The following MTCH2 variants were observed in gnomAD, a reference collection of about 807,000 sequenced individuals.
MTCH2 encodes the protein mitochondrial carrier homolog 2.
MTCH2 carries 25 observed loss-of-function variants against 50.6 expected under a neutral mutation model. The observed-to-expected ratio is 0.49, with a 90% CI of 0.36 to 0.69. MTCH2 has a LOEUF of 0.69. Ranked by LOEUF, MTCH2 falls within the 30% of genes least tolerant of loss-of-function variation. The pLI, the probability that MTCH2 is intolerant of heterozygous loss-of-function variation, is 0.00. For synonymous variants in MTCH2, 106 were observed against 132.0 expected (o/e 0.80, Z 1.35); for missense variants, 273 against 384.4 (o/e 0.71, Z 2.42).
At chr11:47,632,731 C>T (rs1017514671) in intron 5 of MTCH2, among the ~76,000 whole-genome samples, 3 of 151,748 alleles carry the variant, frequency 2.0e-5, no homozygotes, top group Non-Finnish European at 2.9e-5. Flanking sequence ...CAGAGTCTTG[C>T]TCTGTTGCCC....
At chr11:47,606,878 G>A in the MTCH2 span, among the ~76,000 whole-genome samples, 1 of 152,198 alleles carries the variant, frequency 6.6e-6, no homozygotes, top group Non-Finnish European at 1.5e-5. Context: ...GCCACTCAGC[G>A]ACTAGCTGGG....
At chr11:47,639,410 C>T (rs1306108040) in intron 1 of MTCH2, among the ~76,000 whole-genome samples, 1 of 152,216 alleles carries the variant, frequency 6.6e-6, no homozygotes, top group Non-Finnish European at 1.5e-5. Flanking sequence ...TGTATTTGAA[C>T]AAAACTAGAA....
chr11:47,610,916 T>C, the MTCH2 span, among the ~76,000 whole-genome samples: 1 of 152,188 alleles, frequency 6.6e-6, no homozygotes, highest in Non-Finnish European at 1.5e-5. Context: ...CCCAAATGGA[T>C]GTAAGCTTTC....
downstream of MTCH2, among the ~76,000 whole-genome samples, chr11:47,615,561 G>A (rs989639129): frequency 6.6e-6 from 1 of 151,938 alleles, no homozygotes; most frequent in African/African-American, 2.4e-5. Flanking sequence ...TTATAGTTAA[G>A]TCAAGGTATG....
chr11:47,642,231 G>A, intron 1 of MTCH2, 148 bp downstream of exon 1: 1 of 668,532 alleles, frequency 1.5e-6, no homozygotes, highest in Admixed American at 3.6e-5. Flanking sequence ...TGAGGAAGCT[G>A]TCCCTGCGGG....
chr11:47,628,738 C>G (rs2097300338), intron 9 of MTCH2, among the ~76,000 whole-genome samples: 1 of 152,118 alleles, frequency 6.6e-6, no homozygotes, highest in African/African-American at 2.4e-5. Context: ...CCACGCCCAG[C>G]TAATTTTTTC....
chr11:47,633,524 ATATTTTT>A (rs1445483593), intron 5 of MTCH2, among the ~76,000 whole-genome samples: 2 of 55,308 alleles, frequency 3.6e-5, no homozygotes, highest in African/African-American at 9.1e-5. Context: ...ATATATATAT[ATATTTTT>A]TTTTTTTTTT....
Position 47,617,698 on chromosome 11 carries a change from A to G in MTCH2, c.*1135T>C, listed in dbSNP as rs1041051218. The G allele has an allele frequency of 5.2e-5, 8 of 152,534 alleles. No individual in the cohort carries two copies. The highest frequency in any genetic ancestry group is 1.9e-4 in the African/African-American group (8 of 41,452). 9.4% of individuals were successfully genotyped at this position (152,534 alleles called of 1,614,324 possible). ...AACCTGCTTTTTAGAAGGCCTGAGT[A>G]AACAGAAGCTTTATGCTTGAGTTGA... On this transcript the variant is annotated 3_prime_UTR_variant, in exon 13 of 13. Coordinates refer to ENST00000302503, the MANE Select transcript of MTCH2 (RefSeq NM_014342.4).
intron 5 of MTCH2, among the ~76,000 whole-genome samples, chr11:47,633,522 A>ATT (rs2097305359): frequency 1.1e-4 from 3 of 26,520 alleles, no homozygotes; most frequent in African/African-American, 2.5e-4. Flanking sequence ...ATATATATAT[A>ATT]TATATTTTTT....
Position 47,618,877 on chromosome 11 carries a change from G to T in MTCH2, c.868C>A (p.Pro290Thr), listed in dbSNP as rs1064608. The stretch of plus-strand genomic sequence containing the variant: ...TCACAACAATAAGTCTTCCCAAAGG[G>T]GACCTTCCGGAAAAATAAGCTATTT... ...RGNSLFFRKV[P>T]FGKTYCCDLK... is the part of the protein sequence containing the mutation. Residue 290 changes from proline (P) to threonine (T), a missense_variant, in exon 13 of 13, where the codon CCC (proline) becomes ACC (threonine). Transcript: ENST00000302503. 5.6e-6 allele frequency: 8 copies of T among 1,434,666 alleles called. No individual in the cohort carries two copies. Among genetic ancestry groups the T allele is most frequent in the South Asian group, 1.4e-5 (1 of 69,480 alleles). 88.9% of individuals were successfully genotyped at this position (1,434,666 alleles called of 1,614,324 possible). A position where few individuals can be genotyped will look rare whatever the true frequency, so the allele number is the denominator to read the frequency against.
At chr11:47,619,455 A>T (rs1020808590) in intron 12 of MTCH2, among the ~76,000 whole-genome samples, 1 of 152,010 alleles carries the variant, frequency 6.6e-6, no homozygotes, top group African/African-American at 2.4e-5. Context: ...GCTGGTCTCA[A>T]ACTCCTGACC....
intron 5 of MTCH2, among the ~76,000 whole-genome samples, chr11:47,634,310 G>C (rs1349457859): frequency 6.6e-6 from 1 of 151,804 alleles, no homozygotes; most frequent in Non-Finnish European, 1.5e-5. Flanking sequence ...TAACTCCTGG[G>C]GTCAAGTGAT....
intron 1 of MTCH2, among the ~76,000 whole-genome samples, chr11:47,640,308 G>A (rs2097312884): frequency 6.6e-6 from 1 of 152,136 alleles, no homozygotes; most frequent in Admixed American, 6.6e-5. Context: ...CAGTCTGGGT[G>A]ACAAGAGCAA....
chr11:47,626,317 C>G (rs1032250738), intron 10 of MTCH2, among the ~76,000 whole-genome samples: 3 of 150,072 alleles, frequency 2.0e-5, no homozygotes, highest in Non-Finnish European at 4.4e-5. Flanking sequence ...AGTGAGCCAC[C>G]GCGCCTGCCC....
At position 47,622,743 on chromosome 11, in the gene MTCH2, T is replaced by C; in HGVS notation, c.783A>G (p.Ile261Met). ...ACCAACAGTCTATCCAAGACGTATA[T>C]ATTGGGGAGTAAGGAGGGCATCCAC... is the stretch of plus-strand genomic sequence containing the variant. ...LAGGCPPYSP[I>M]YTSWIDCWCM... is the part of the protein sequence containing the mutation. Residue 261 changes from isoleucine (I) to methionine (M), a missense_variant, in exon 12 of 13, where the codon ATA (isoleucine) becomes ATG (methionine). By Grantham distance (10) the Ile-to-Met change is conservative (BLOSUM62 1). Around this residue, in one of 2 missense-constraint regions of MTCH2, gnomAD observed 70 missense variants for 140.1 expected, o/e 0.50. Coordinates refer to ENST00000302503, the MANE Select transcript of MTCH2 (RefSeq NM_014342.4). 1 of 1,611,904 alleles carries C rather than the reference T, an allele frequency of 6.2e-7. No individual in the cohort carries two copies.
rs780494933 is a variant in MTCH2, at chr11:47,634,631, T to G, written c.369+41A>C. ...GATTCCATAGTTGCAACACCACAGT[T>G]TGATCTGGGCAAACAGCACAGGATG... On this transcript the variant is annotated intron_variant, in intron 5 of 12. Transcript: ENST00000302503. 29 of 1,499,042 alleles carry G rather than the reference T, an allele frequency of 1.9e-5. No individual in the cohort carries two copies. In the Admixed American group the frequency reaches 4.8e-4, roughly 25 times the overall value. The allele number at this position is 1,499,042 out of a possible 1,614,324, so 92.9% of individuals were successfully genotyped here.
chr11:47,636,130 GAA>G (rs963428316), intron 3 of MTCH2, among the ~76,000 whole-genome samples: 1 of 140,714 alleles, frequency 7.1e-6, no homozygotes. Flanking sequence ...TCCGTCTCAA[GAA>G]AAAAAAAAAG....
chr11:47,607,209 T>C, the MTCH2 span, among the ~76,000 whole-genome samples: 4 of 152,340 alleles, frequency 2.6e-5, no homozygotes, highest in Non-Finnish European at 4.4e-5. Context: ...CATGGGGTGA[T>C]TGAGCTGACA....
chr11:47,625,568 C>G lies in MTCH2; in HGVS notation c.749+106G>C, dbSNP rs192533799. ...CCCCCCTTTTTAAAAAAATACCAAT[C>G]AGAGATTGATACTGATCATTCATCT... On this transcript the variant is annotated intron_variant, in intron 11 of 12. Transcript: ENST00000302503. The G allele has an allele frequency of 3.1e-5, 25 of 796,690 alleles. No individual in the cohort carries two copies. The East Asian group carries it at 6.4e-4, about 21-fold the overall frequency. The allele number at this position is 796,690 out of a possible 1,614,324, so 49.4% of individuals were successfully genotyped here.
Sources: allele counts gnomAD v4.1 joint callset (sites outside exome capture counted in the v4.1 genomes callset), GRCh38; gene constraint gnomAD v4.1.1; regional missense constraint gnomAD v4.1.1; transcripts MANE v1.5; gene names NCBI Gene and HGNC (gene_info 2026-07-23, HGNC 2026-07-21).